The following CACNA1D variants were observed in gnomAD, a reference collection of about 807,000 sequenced individuals.
CACNA1D encodes the protein voltage-dependent L-type calcium channel subunit alpha-1D.
Under a neutral mutation model 257.1 loss-of-function variants are expected in CACNA1D, and 55 were observed. The ratio of observed to expected loss-of-function variants is 0.21; its 90% confidence interval spans 0.17 to 0.27. CACNA1D has a LOEUF of 0.27. Among genes scored for constraint, CACNA1D ranks in the 10% least tolerant of loss-of-function variants. CACNA1D has a pLI of 1.00. For synonymous variants in CACNA1D, 980 were observed against 1,014.9 expected (o/e 0.97, Z 0.65); for missense variants, 1,876 against 2,784.0 (o/e 0.67, Z 7.34).
At chr3:53,636,454 C>G (rs1342419753) in intron 3 of CACNA1D, among the ~76,000 whole-genome samples, 2 of 152,102 alleles carry the variant, frequency 1.3e-5, no homozygotes, top group African/African-American at 4.8e-5. Flanking sequence ...CAGGTGTGCG[C>G]CACCACGCCC....
rs542655094 is a variant in CACNA1D at position 53,695,370 on chromosome 3, C to T, written c.1221-7271C>T. 2.6e-5 allele frequency among the ~76,000 whole-genome samples: 4 copies of T among 152,278 alleles called. No homozygotes were observed. The South Asian group carries it at 8.3e-4, about 32-fold the overall frequency. ...AAAACTTGTGCCTGTGCCCCGAGAC[C>T]CTCAGCAGGCATCCTTCTTCCTTCA... On this transcript the variant is annotated intron_variant, in intron 8 of 47. Transcript: ENST00000350061.
intron 8 of CACNA1D, among the ~76,000 whole-genome samples, chr3:53,678,503 G>C (rs2094397684): frequency 6.6e-6 from 1 of 152,082 alleles, no homozygotes; most frequent in Admixed American, 6.5e-5. Flanking sequence ...ATTACTATAG[G>C]CCTATTTATC....
chr3:53,566,242 TG>T (rs2092833435), intron 3 of CACNA1D, among the ~76,000 whole-genome samples: 1 of 152,124 alleles, frequency 6.6e-6, no homozygotes, highest in Non-Finnish European at 1.5e-5. Flanking sequence ...CAGTGCCTGC[TG>T]CCCCTTCACC....
intron 29 of CACNA1D, among the ~76,000 whole-genome samples, chr3:53,756,928 A>G (rs1161190180): frequency 2.0e-5 from 3 of 152,150 alleles, no homozygotes; most frequent in Non-Finnish European, 4.4e-5. Context: ...CTTCGTTCCC[A>G]TCTTAGTCCT....
At chr3:53,522,749 G>A (rs565848590) in intron 3 of CACNA1D, among the ~76,000 whole-genome samples, 7 of 152,174 alleles carry the variant, frequency 4.6e-5, no homozygotes, top group South Asian at 2.1e-4. Context: ...TAGGGTATCC[G>A]CCACCTCAAA....
At chr3:53,542,433 G>C (rs920447203) in intron 3 of CACNA1D, among the ~76,000 whole-genome samples, 1 of 151,750 alleles carries the variant, frequency 6.6e-6, no homozygotes, top group Non-Finnish European at 1.5e-5. Context: ...AAAATAATTA[G>C]CAGAGCATGG....
intron 3 of CACNA1D, among the ~76,000 whole-genome samples, chr3:53,522,675 A>G (rs1366915273): frequency 6.6e-6 from 1 of 152,236 alleles, no homozygotes; most frequent in East Asian, 1.9e-4. Context: ...AATTGTACAT[A>G]TGTATGGGGT....
At chr3:53,761,010 G>A (rs962588227) in intron 29 of CACNA1D, among the ~76,000 whole-genome samples, 2 of 152,220 alleles carry the variant, frequency 1.3e-5, no homozygotes, top group African/African-American at 4.8e-5. Context: ...CAGCCTGAGG[G>A]AGTGCAGACA....
chr3:53,597,077 G>A (rs980752558), intron 3 of CACNA1D, among the ~76,000 whole-genome samples: 2 of 152,182 alleles, frequency 1.3e-5, no homozygotes, highest in African/African-American at 4.8e-5. Flanking sequence ...TAATGTCTGT[G>A]TATGTCATTT....
intron 8 of CACNA1D, among the ~76,000 whole-genome samples, chr3:53,699,064 T>C (rs866841464): frequency 6.6e-6 from 1 of 152,200 alleles, no homozygotes; most frequent in Non-Finnish European, 1.5e-5. Flanking sequence ...ATTGCAAAGT[T>C]TGATAGAAGG....
At chr3:53,541,859 C>G (rs2092306234) in intron 3 of CACNA1D, among the ~76,000 whole-genome samples, 1 of 152,084 alleles carries the variant, frequency 6.6e-6, no homozygotes, top group African/African-American at 2.4e-5. Context: ...TTACTCCCTC[C>G]AGGACATCAT....
intron 8 of CACNA1D, among the ~76,000 whole-genome samples, chr3:53,701,258 C>T (rs987428064): frequency 6.6e-6 from 1 of 152,178 alleles, no homozygotes; most frequent in Non-Finnish European, 1.5e-5. Context: ...TCTCTTGCCT[C>T]AGCCTCCTGA....
chr3:53,805,182 C>A (rs371823136), intron 45 of CACNA1D, 36 bp downstream of exon 45: 17 of 1,599,778 alleles, frequency 1.1e-5, no homozygotes, highest in Admixed American at 3.3e-5. Context: ...TGGAACCTCC[C>A]GGGGAACAGT....
intron 7 of CACNA1D, among the ~76,000 whole-genome samples, 185 bp from the exon 8 acceptor site, chr3:53,672,838 G>T (rs1362450680): frequency 6.8e-6 from 1 of 148,092 alleles, no homozygotes; most frequent in Non-Finnish European, 1.5e-5. Flanking sequence ...TTGTGTGTGT[G>T]TATGGGGAAT....
intron 3 of CACNA1D, among the ~76,000 whole-genome samples, chr3:53,595,680 GC>G (rs2093361281): frequency 6.6e-6 from 1 of 152,146 alleles, no homozygotes; most frequent in Non-Finnish European, 1.5e-5. Context: ...ACTGACACCT[GC>G]CTGACCTAAC....
chr3:53,794,316 T>C (rs1462006514), intron 40 of CACNA1D, among the ~76,000 whole-genome samples: 1 of 152,210 alleles, frequency 6.6e-6, no homozygotes, highest in East Asian at 1.9e-4. Flanking sequence ...CTAACAGTTC[T>C]AGGGTGGGTA....
At chr3:53,548,095 G>A (rs1249786834) in intron 3 of CACNA1D, among the ~76,000 whole-genome samples, 2 of 152,162 alleles carry the variant, frequency 1.3e-5, no homozygotes, top group African/African-American at 4.8e-5. Flanking sequence ...AAATTTCTCT[G>A]TGGTTTGGTT....
intron 15 of CACNA1D, among the ~76,000 whole-genome samples, chr3:53,729,837 T>C (rs995766632): frequency 5.9e-5 from 9 of 152,134 alleles, no homozygotes; most frequent in African/African-American, 1.9e-4. Context: ...CAGCACCAGG[T>C]GGCAGTAAGT....
chr3:53,696,442 C>T (rs571208376), intron 8 of CACNA1D, among the ~76,000 whole-genome samples: 1 of 152,356 alleles, frequency 6.6e-6, no homozygotes, highest in Non-Finnish European at 1.5e-5. Flanking sequence ...ATAGCAGCCC[C>T]TGCCTCCCCA....
Sources: allele counts gnomAD v4.1 joint callset (sites outside exome capture counted in the v4.1 genomes callset), GRCh38; gene constraint gnomAD v4.1.1; transcripts MANE v1.5; gene names NCBI Gene and HGNC (gene_info 2026-07-23, HGNC 2026-07-21).